DSTN: variants seen among roughly 807,000 people sequenced by gnomAD.
DSTN encodes destrin, actin depolymerizing factor.
DSTN carries 10 observed loss-of-function variants against 16.8 expected under a neutral mutation model. That is an observed-to-expected ratio of 0.60 (90% confidence interval 0.37 to 1.01). DSTN has a LOEUF of 1.01. Among genes scored for constraint, DSTN ranks in the 50% least tolerant of loss-of-function variants. The pLI is 0.01. For missense variants in DSTN, 141 were observed against 196.7 expected (o/e 0.72, Z 1.69); for synonymous variants, 57 against 58.9 (o/e 0.97, Z 0.14).
At chr20:17,583,182 G>T (rs993727619) in intron 1 of DSTN, among the ~76,000 whole-genome samples, 1 of 152,200 alleles carries the variant, frequency 6.6e-6, no homozygotes, top group African/African-American at 2.4e-5. Flanking sequence ...ATAATGAAAA[G>T]ATTATTGTAG....
At chr20:17,599,494 GA>G (rs1163134540) in intron 1 of DSTN, 1 of 152,258 alleles carries the variant, frequency 6.6e-6, no homozygotes, top group Non-Finnish European at 1.5e-5. Context: ...TTGAGGCAAT[GA>G]TGGGAGACCT....
intron 1 of DSTN, 108 bp downstream of exon 1, chr20:17,570,319 A>C: frequency 1.5e-6 from 2 of 1,330,706 alleles, no homozygotes; most frequent in African/African-American, 1.6e-5. Context: ...CAGCCCGGGG[A>C]GGGACCCGGT....
intron 1 of DSTN, among the ~76,000 whole-genome samples, chr20:17,573,227 T>G (rs930762231): frequency 1.3e-5 from 2 of 152,250 alleles, no homozygotes; most frequent in African/African-American, 4.8e-5. Context: ...TCATATGTAT[T>G]GCCTTGATGT....
At chr20:17,584,357 A>G (rs2035383228) in intron 1 of DSTN, among the ~76,000 whole-genome samples, 2 of 152,174 alleles carry the variant, frequency 1.3e-5, no homozygotes. Flanking sequence ...ATATAAAAAA[A>G]TATGCTTACC....
chr20:17,590,760 A>T (rs1266569878), intron 1 of DSTN, among the ~76,000 whole-genome samples: 1 of 152,212 alleles, frequency 6.6e-6, no homozygotes, highest in Non-Finnish European at 1.5e-5. Flanking sequence ...TTTAAAAATA[A>T]AGTTTAGGTT....
At chr20:17,605,358 G>A (rs2035630304) in intron 3 of DSTN, 1 of 333,542 alleles carries the variant, frequency 3.0e-6, no homozygotes. Context: ...GGGAGACTTG[G>A]TCTCATGTGT....
rs746953591 is a variant in DSTN at position 17,609,619 on chromosome 20, GTAGT to G, written c.*2478_*2481del. The G allele has an allele frequency of 5.9e-5, 9 of 152,214 alleles. No homozygotes were observed. The highest frequency in any genetic ancestry group is 1.0e-4 in the Non-Finnish European group (7 of 68,040). 9.4% of individuals were successfully genotyped at this position (152,214 alleles called of 1,614,324 possible). ...ACTCCAGAAATTGAATAAAATGCTAGTAGTTAGTCTCTAGGGGAACTTTTGAGAA... is the reference window on the plus strand; with the variant it reads ...ACTCCAGAAATTGAATAAAATGCTAGTAGTCTCTAGGGGAACTTTTGAGAA... On this transcript the variant is annotated 3_prime_UTR_variant, in exon 4 of 4. Transcript: ENST00000246069.
At chr20:17,583,862 G>A (rs765233287) in intron 1 of DSTN, among the ~76,000 whole-genome samples, 4 of 146,668 alleles carry the variant, frequency 2.7e-5, no homozygotes, top group Non-Finnish European at 6.0e-5. Context: ...TCAGCCTCCT[G>A]AATAGCTGGA....
chr20:17,591,975 C>T, intron 1 of DSTN: 1 of 985,348 alleles, frequency 1.0e-6, no homozygotes. Flanking sequence ...AGAGAGCTAC[C>T]AGCGTATTGA....
intron 1 of DSTN, chr20:17,576,278 T>A (rs2035277431): frequency 1.3e-5 from 2 of 152,636 alleles, no homozygotes; most frequent in Non-Finnish European, 2.9e-5. Flanking sequence ...TACGTAGATT[T>A]TTTGTTTGGA....
At chr20:17,584,192 T>C (rs2035381892) in intron 1 of DSTN, among the ~76,000 whole-genome samples, 1 of 152,200 alleles carries the variant, frequency 6.6e-6, no homozygotes, top group Admixed American at 6.5e-5. Context: ...TAAAAACTAC[T>C]TAAATTGTTT....
intron 3 of DSTN, among the ~76,000 whole-genome samples, chr20:17,606,546 T>C (rs185403423): frequency 1.8e-4 from 28 of 152,372 alleles, no homozygotes; most frequent in Non-Finnish European, 3.2e-4. Context: ...ACCTGCCTTT[T>C]AGCTTTTTAG....
At chr20:17,588,960 C>G (rs780620278) in intron 1 of DSTN, among the ~76,000 whole-genome samples, 2 of 152,110 alleles carry the variant, frequency 1.3e-5, no homozygotes, top group Non-Finnish European at 2.9e-5. Flanking sequence ...TCCAGAACTA[C>G]TGTTTACCTT....
intron 3 of DSTN, among the ~76,000 whole-genome samples, 162 bp downstream of exon 3, chr20:17,604,793 G>A (rs932585114): frequency 2.0e-5 from 3 of 152,186 alleles, no homozygotes; most frequent in African/African-American, 7.2e-5. Context: ...GACTTTCCAT[G>A]TATCTTCTGC....
At chr20:17,605,262 C>G (rs1259291753) in intron 3 of DSTN, 1 of 438,370 alleles carries the variant, frequency 2.3e-6, no homozygotes, top group Non-Finnish European at 4.6e-6. Context: ...AAGGCCTGCA[C>G]TGAGGGCGAA....
chr20:17,593,866 G>A (rs1194646677), intron 1 of DSTN, among the ~76,000 whole-genome samples: 1 of 152,052 alleles, frequency 6.6e-6, no homozygotes, highest in Non-Finnish European at 1.5e-5. Context: ...ATAGCTTGAG[G>A]CCAGAAGTTT....
At chr20:17,601,134 C>T in intron 2 of DSTN, 89 bp downstream of exon 2, 1 of 1,424,866 alleles carries the variant, frequency 7.0e-7, no homozygotes, top group East Asian at 2.4e-5. Flanking sequence ...AATTTTTATT[C>T]AAACTATTTG....
intron 1 of DSTN, among the ~76,000 whole-genome samples, chr20:17,588,503 T>C (rs1390870942): frequency 6.6e-6 from 1 of 152,184 alleles, no homozygotes; most frequent in Admixed American, 6.5e-5. Context: ...AACATTTGGC[T>C]GGGCACGGTT....
At chr20:17,593,928 A>G (rs76961144) in intron 1 of DSTN, among the ~76,000 whole-genome samples, 4 of 151,878 alleles carry the variant, frequency 2.6e-5, no homozygotes, top group African/African-American at 9.7e-5. Flanking sequence ...AAAAAATTTT[A>G]AAAATTAGCT....
Sources: allele counts gnomAD v4.1 joint callset (sites outside exome capture counted in the v4.1 genomes callset), GRCh38; gene constraint gnomAD v4.1.1; transcripts MANE v1.5; gene names NCBI Gene and HGNC (gene_info 2026-07-23, HGNC 2026-07-21).